DDX46: variants seen among roughly 807,000 people sequenced by gnomAD.
The protein encoded by DDX46 is probable ATP-dependent RNA helicase DDX46.
A neutral mutation model predicts 134.9 loss-of-function variants in DDX46; 30 were observed. The observed-to-expected ratio is 0.22, with a 90% confidence interval of 0.17 to 0.30. The LOEUF is 0.30. Ranked by LOEUF, DDX46 falls within the 10% of genes least tolerant of loss-of-function variation. DDX46 has a pLI of 1.00. For missense variants in DDX46, 622 were observed against 1,248.7 expected, an observed-to-expected ratio of 0.50 and a Z score of 7.56; for synonymous variants, 415 against 404.1, an observed-to-expected ratio of 1.03 and a Z score of -0.32.
intron 14 of DDX46, among the ~76,000 whole-genome samples, 154 bp from the exon 15 acceptor site, chr5:134,795,834 T>TA (rs1314080833): frequency 1.3e-5 from 2 of 152,230 alleles, no homozygotes; most frequent in African/African-American, 4.8e-5. Flanking sequence ...TTACAATTTT[T>TA]ATCATTTACA....
rs183864202 is a variant in DDX46 at position 134,777,095 on chromosome 5, G to T, written c.614-479G>T. On this transcript the variant is annotated intron_variant, in intron 5 of 22. Coordinates refer to ENST00000452510, the MANE Select transcript of DDX46 (RefSeq NM_001300860.2). ...CATGGTGGCGGGCACCTGTAGTCCC[G>T]GTTACTCGTCAGGCTGAGGCAAGAG... 5.1e-3 allele frequency among the ~76,000 whole-genome samples: 777 copies of T among 151,930 alleles called. 3 individuals are homozygous for T. Among genetic ancestry groups the T allele is most frequent in the Middle Eastern group, 0.017 (5 of 294 alleles).
Position 134,767,018 on chromosome 5 carries a change from G to A in DDX46, c.308G>A (p.Arg103Gln), listed in dbSNP as rs548943347. 6.8e-6 allele frequency: 11 copies of A among 1,613,990 alleles called. No homozygotes were observed. The highest frequency in any genetic ancestry group is 5.0e-5 in the Admixed American group (3 of 60,000). ...AGTAGAAGCCGGGGCCGGCGATCCCGATCCTCCAGTCCTGGAAATAAAAGC... is the reference window on the plus strand; with the variant it reads ...AGTAGAAGCCGGGGCCGGCGATCCCAATCCTCCAGTCCTGGAAATAAAAGC... ...SRSRSRGRRS[R>Q]SSSPGNKSKK... The change falls in exon 3 of 23, where the codon CGA becomes CAA. Residue 103 changes from arginine (R) to glutamine (Q), a missense_variant. By Grantham distance (43) the Arg-to-Gln change is conservative. Coordinates refer to ENST00000452510, the MANE Select transcript of DDX46 (RefSeq NM_001300860.2).
chr5:134,772,750 CCTGCCT>C (rs1376575281), intron 4 of DDX46, among the ~76,000 whole-genome samples: 1 of 152,206 alleles, frequency 6.6e-6, no homozygotes, highest in African/African-American at 2.4e-5. Flanking sequence ...AGGCAATCTG[CCTGCCT>C]CTGCCTCCCA....
At chr5:134,768,477 T>C (rs2150131317) in intron 3 of DDX46, among the ~76,000 whole-genome samples, 1 of 151,256 alleles carries the variant, frequency 6.6e-6, no homozygotes, top group East Asian at 1.9e-4. Context: ...CCTACCTTAT[T>C]CTGTGTACAA....
At chr5:134,796,437 TC>T (rs1754654882) in intron 15 of DDX46, among the ~76,000 whole-genome samples, 1 of 152,242 alleles carries the variant, frequency 6.6e-6, no homozygotes, top group Admixed American at 6.5e-5. Flanking sequence ...GTACGTGCTA[TC>T]TGTAGGTTTT....
At chr5:134,788,978 G>A (rs1011895665) in intron 12 of DDX46, among the ~76,000 whole-genome samples, 8 of 151,992 alleles carry the variant, frequency 5.3e-5, no homozygotes, top group African/African-American at 1.9e-4. Flanking sequence ...GTTTTGGCCT[G>A]GCTTTGCTTA....
chr5:134,773,393 A>G (rs1229807957), intron 4 of DDX46, among the ~76,000 whole-genome samples: 11 of 152,238 alleles, frequency 7.2e-5, no homozygotes, highest in Non-Finnish European at 1.6e-4. Flanking sequence ...GTTAGGAAGA[A>G]ATAAAGTTTA....
At chr5:134,785,962 C>T (rs1231498268) in intron 11 of DDX46, among the ~76,000 whole-genome samples, 2 of 152,004 alleles carry the variant, frequency 1.3e-5, no homozygotes, top group Non-Finnish European at 2.9e-5. Context: ...GATTCTCCTA[C>T]CTCAGCCTCC....
Position 134,787,178 on chromosome 5 carries a change from C to T in DDX46, c.1465-1335C>T, listed in dbSNP as rs192671712. 1.6e-3 allele frequency among the ~76,000 whole-genome samples: 251 copies of T among 152,212 alleles called. 2 individuals carry two copies. The highest frequency in any genetic ancestry group is 5.7e-3 in the African/African-American group (235 of 41,548). On this transcript the variant is annotated intron_variant, in intron 11 of 22. Coordinates refer to ENST00000452510, the MANE Select transcript of DDX46 (RefSeq NM_001300860.2). ...GGCTCAAGCAATCTGCTTGCCTTGGCTTCCCTTTGTAACACCTCCGAAAGG... is the reference window on the plus strand; with the variant it reads ...GGCTCAAGCAATCTGCTTGCCTTGGTTTCCCTTTGTAACACCTCCGAAAGG...
chr5:134,774,147 C>G (rs1165002571), intron 5 of DDX46, among the ~76,000 whole-genome samples: 2 of 151,866 alleles, frequency 1.3e-5, no homozygotes, highest in Non-Finnish European at 1.5e-5. Context: ...GTGACCTTTG[C>G]TCTATTTTCT....
chr5:134,811,615 T>G, intron 17 of DDX46, 81 bp from the exon 18 acceptor site: 1 of 1,447,902 alleles, frequency 6.9e-7, no homozygotes, highest in African/African-American at 1.4e-5. Context: ...ATACACCACC[T>G]TGAAAAATAT....
chr5:134,822,624 A>G (rs1349011378), intron 21 of DDX46, among the ~76,000 whole-genome samples: 1 of 152,122 alleles, frequency 6.6e-6, no homozygotes, highest in Non-Finnish European at 1.5e-5. Flanking sequence ...TTTTTGAGAC[A>G]GAGTCTTGTT....
chr5:134,777,765 T>G, intron 6 of DDX46, 40 bp downstream of exon 6: 1 of 1,571,088 alleles, frequency 6.4e-7, no homozygotes. Flanking sequence ...CGTTTCCTCT[T>G]GGGTAACTTG....
chr5:134,818,789 CTT>C lies in DDX46; in HGVS notation c.2833-69_2833-68del, dbSNP rs571948446. On this transcript the variant is annotated intron_variant, in intron 20 of 22. Transcript: ENST00000452510. The stretch of plus-strand genomic sequence containing the variant: ...ATAATATGATATCAGCCAGCCTAGT[CTT>C]TGTCAGCACTCCTGGATTTTTTTGT... 770 of 1,417,426 alleles carry C rather than the reference CTT, an allele frequency of 5.4e-4. 6 individuals carry two copies. In the African/African-American group the frequency reaches 0.01, roughly 19 times the overall value. The allele number at this position is 1,417,426 out of a possible 1,614,324, so 87.8% of individuals were successfully genotyped here.
chr5:134,812,204 A>C (rs373459563), intron 18 of DDX46, among the ~76,000 whole-genome samples: 1 of 150,990 alleles, frequency 6.6e-6, no homozygotes, highest in African/African-American at 2.4e-5. Flanking sequence ...AGCTGGGATT[A>C]CAGGCATCCA....
At chr5:134,815,819 C>CATTTGT (rs1421445423) in intron 18 of DDX46, among the ~76,000 whole-genome samples, 2 of 151,332 alleles carry the variant, frequency 1.3e-5, no homozygotes, top group Non-Finnish European at 2.9e-5. Context: ...AAACAACCTG[C>CATTTGT]ATTTGTTTCC....
chr5:134,775,597 G>C (rs1753909507), intron 5 of DDX46, among the ~76,000 whole-genome samples: 1 of 152,090 alleles, frequency 6.6e-6, no homozygotes, highest in South Asian at 2.1e-4. Context: ...ATTTTTAGTA[G>C]AGACGAGGTT....
chr5:134,814,245 C>T (rs568226252), intron 18 of DDX46, among the ~76,000 whole-genome samples: 66 of 152,160 alleles, frequency 4.3e-4, no homozygotes, highest in African/African-American at 1.4e-3. Context: ...CAGTGTATGT[C>T]GGTGCGGTAC....
intron 21 of DDX46, among the ~76,000 whole-genome samples, chr5:134,823,493 A>C (rs188366669): frequency 6.6e-6 from 1 of 152,294 alleles, no homozygotes; most frequent in East Asian, 1.9e-4. Flanking sequence ...AGTCATGGTA[A>C]GTTTCATACA....
Sources: allele counts gnomAD v4.1 joint callset (sites outside exome capture counted in the v4.1 genomes callset), GRCh38; gene constraint gnomAD v4.1.1; transcripts MANE v1.5; gene names NCBI Gene and HGNC (gene_info 2026-07-23, HGNC 2026-07-21).